Variants in ODR4 observed in about 807,000 individuals in gnomAD.
ODR4 encodes the protein protein odr-4 homolog.
In ODR4, 47 loss-of-function variants were observed where a neutral mutation model predicts 60.2. That is an observed-to-expected ratio of 0.78 (90% CI 0.62 to 1.00). ODR4 has a LOEUF of 1.00. Ranked by LOEUF, ODR4 falls within the 50% of genes least tolerant of loss-of-function variation. The pLI, the probability that ODR4 is intolerant of heterozygous loss-of-function variation, is 0.00. For missense variants in ODR4, 488 were observed against 530.8 expected (o/e 0.92, Z 0.79); for synonymous variants, 178 against 175.5 (o/e 1.01, Z -0.11).
the ODR4 span, among the ~76,000 whole-genome samples, chr1:186,427,218 G>C: frequency 1.3e-5 from 2 of 152,170 alleles, no homozygotes. Flanking sequence ...TTCTGTAGCA[G>C]GTGATGCCAT....
intron 3 of ODR4, among the ~76,000 whole-genome samples, chr1:186,383,588 T>C (rs1003281225): frequency 2.6e-5 from 4 of 151,832 alleles, no homozygotes; most frequent in Non-Finnish European, 5.9e-5. Context: ...AGAAAAAGAA[T>C]TTTCTTTAAT....
rs541782281 is a variant in ODR4 at position 186,414,142 on chromosome 1, C to A, written c.1187-3402C>A. 5.0e-4 allele frequency among the ~76,000 whole-genome samples: 76 copies of A among 152,192 alleles called. 1 individual carries two copies. Among genetic ancestry groups the A allele is most frequent in the African/African-American group, 1.8e-3 (74 of 41,512 alleles). On this transcript the variant is annotated intron_variant, in intron 12 of 13. Coordinates refer to ENST00000287859, the MANE Select transcript of ODR4 (RefSeq NM_017847.6). The stretch of plus-strand genomic sequence containing the variant: ...CAAGCCCCCACCAAAAATAAACAGA[C>A]AAATAAATTGCTGTGATAAGGCCTT...
At chr1:186,430,677 A>G in the ODR4 span, among the ~76,000 whole-genome samples, 1 of 152,256 alleles carries the variant, frequency 6.6e-6, no homozygotes, top group Admixed American at 6.5e-5. Flanking sequence ...ATAAGTAGTT[A>G]ATAATTATGG....
At chr1:186,410,844 C>T (rs997648497) in intron 12 of ODR4, among the ~76,000 whole-genome samples, 5 of 151,844 alleles carry the variant, frequency 3.3e-5, no homozygotes, top group Admixed American at 1.3e-4. Flanking sequence ...GGAGAAACCC[C>T]GTCTCTACTA....
chr1:186,402,846 A>G (rs1009824416), intron 11 of ODR4, among the ~76,000 whole-genome samples: 1 of 152,118 alleles, frequency 6.6e-6, no homozygotes, highest in African/African-American at 2.4e-5. Context: ...CTCCCAAAGC[A>G]CTGGGAATTA....
At chr1:186,429,294 TGAA>T in the ODR4 span, among the ~76,000 whole-genome samples, 1 of 151,190 alleles carries the variant, frequency 6.6e-6, no homozygotes, top group Non-Finnish European at 1.5e-5. Context: ...ACAATGAAAA[TGAA>T]GAAGTTTGAA....
chr1:186,411,450 G>T (rs1558095055), intron 12 of ODR4, among the ~76,000 whole-genome samples: 1 of 152,044 alleles, frequency 6.6e-6, no homozygotes, highest in Non-Finnish European at 1.5e-5. Flanking sequence ...ATAAATAAAA[G>T]TTTTAATTTT....
chr1:186,379,330 CTACTCAG>C (rs1403282585), intron 1 of ODR4, among the ~76,000 whole-genome samples: 1 of 151,586 alleles, frequency 6.6e-6, no homozygotes, highest in East Asian at 1.9e-4. Flanking sequence ...GTAACCCCAG[CTACTCAG>C]GAGGCCGAGG....
At chr1:186,429,643 T>C in the ODR4 span, among the ~76,000 whole-genome samples, 3 of 152,192 alleles carry the variant, frequency 2.0e-5, no homozygotes, top group African/African-American at 7.2e-5. Context: ...TTCTTTTACC[T>C]ACCCCTACAA....
At chr1:186,382,264 A>T (rs886449282) in intron 2 of ODR4, among the ~76,000 whole-genome samples, 36 of 151,548 alleles carry the variant, frequency 2.4e-4, no homozygotes, top group Admixed American at 1.8e-3. Context: ...AAAAAAAAAA[A>T]AAAAAGCCAG....
At chr1:186,383,247 C>A in intron 3 of ODR4, 91 bp downstream of exon 3, 1 of 1,350,258 alleles carries the variant, frequency 7.4e-7, no homozygotes, top group South Asian at 1.5e-5. Context: ...AGAGAAGAGA[C>A]ATAGGGAGAA....
chr1:186,433,113 A>G, the ODR4 span, among the ~76,000 whole-genome samples: 10 of 152,008 alleles, frequency 6.6e-5, no homozygotes, highest in Admixed American at 6.6e-4. Context: ...TAGAGAACCA[A>G]TTTTTGGCAT....
rs1014065082 is a variant in ODR4, at chr1:186,400,902, G to A, written c.1000+1858G>A. On this transcript the variant is annotated intron_variant, in intron 11 of 13. Coordinates refer to ENST00000287859, the MANE Select transcript of ODR4 (RefSeq NM_017847.6). ...TGGGACCTGTTCACATAGTCCATCA[G>A]TCTAGCAGCCCCATCTCAGTGTGGC... 16 of 703,358 alleles carry A rather than the reference G, an allele frequency of 2.3e-5. No individual in the cohort carries two copies. The Admixed American group carries it at 3.6e-4, about 16-fold the overall frequency. The allele number at this position is 703,358 out of a possible 1,614,324, so 43.6% of individuals were successfully genotyped here.
downstream of ODR4, among the ~76,000 whole-genome samples, chr1:186,425,711 C>G (rs1227506132): frequency 2.0e-5 from 3 of 152,146 alleles, no homozygotes; most frequent in Non-Finnish European, 4.4e-5. Flanking sequence ...GTCTATGAGG[C>G]ACTGGCTTAA....
intron 12 of ODR4, among the ~76,000 whole-genome samples, chr1:186,407,845 G>C (rs1226646432): frequency 6.6e-6 from 1 of 152,016 alleles, no homozygotes; most frequent in Non-Finnish European, 1.5e-5. Context: ...AACCTGTGGG[G>C]TTCAAAACCT....
chr1:186,379,628 C>A (rs565704264), intron 1 of ODR4, 139 bp from the exon 2 acceptor site: 195 of 498,876 alleles, frequency 3.9e-4, no homozygotes, highest in Non-Finnish European at 5.0e-4. Context: ...AGAAGGAATA[C>A]ACTATGTAAT....
chr1:186,376,876 T>C (rs1350174734), intron 1 of ODR4, among the ~76,000 whole-genome samples: 1 of 152,242 alleles, frequency 6.6e-6, no homozygotes, highest in South Asian at 2.1e-4. Flanking sequence ...CTTTATTTTA[T>C]AGATTAGGAA....
chr1:186,378,989 G>GT (rs1241590775), intron 1 of ODR4, among the ~76,000 whole-genome samples: 1 of 152,172 alleles, frequency 6.6e-6, no homozygotes, highest in Non-Finnish European at 1.5e-5. Context: ...TAAGCAAATA[G>GT]TATAGTTCTT....
At chr1:186,416,598 G>A (rs1661574484) in intron 12 of ODR4, among the ~76,000 whole-genome samples, 2 of 152,124 alleles carry the variant, frequency 1.3e-5, no homozygotes, top group South Asian at 4.1e-4. Flanking sequence ...CTTGAACCTG[G>A]AAGGTGGAGG....
Sources: allele counts gnomAD v4.1 joint callset (sites outside exome capture counted in the v4.1 genomes callset), GRCh38; gene constraint gnomAD v4.1.1; transcripts MANE v1.5; gene names NCBI Gene and HGNC (gene_info 2026-07-23, HGNC 2026-07-21).